The following PAK5 variants were observed in gnomAD, a reference collection of about 807,000 sequenced individuals.
The protein encoded by PAK5 is serine/threonine-protein kinase PAK 5.
In PAK5, 16 loss-of-function variants were observed where a neutral mutation model predicts 65.9. The ratio of observed to expected loss-of-function variants is 0.24; its 90% CI spans 0.16 to 0.37. PAK5 has a LOEUF of 0.37. PAK5 is among the 10% of genes least tolerant of loss of function. The pLI, the probability that PAK5 is intolerant of heterozygous loss-of-function variation, is 1.00. For missense variants in PAK5, 785 were observed against 903.9 expected (o/e 0.87, Z 1.69); for synonymous variants, 371 against 354.9 (o/e 1.05, Z -0.51).
intron 5 of PAK5, among the ~76,000 whole-genome samples, chr20:9,564,263 T>C (rs1410118928): frequency 6.6e-6 from 1 of 152,230 alleles, no homozygotes; most frequent in Non-Finnish European, 1.5e-5. Context: ...TTTAGAGCTC[T>C]TAAGTGATAA....
chr20:9,817,667 T>G (rs1600406725), intron 1 of PAK5, among the ~76,000 whole-genome samples: 2 of 152,332 alleles, frequency 1.3e-5, no homozygotes, highest in East Asian at 3.9e-4. Context: ...AATAATATTT[T>G]TTTAATGCTT....
At position 9,539,609 on chromosome 20, in the gene PAK5, T is replaced by G; in HGVS notation, c.2013A>C (p.Ser671=). The change falls in exon 10 of 10, where the codon TCA becomes TCC. Residue 671 remains serine (S), a synonymous_variant. Coordinates refer to ENST00000353224, the MANE Select transcript of PAK5 (RefSeq NM_177990.4). ...TCAAGTCTAGGAATCCCCGGAGCAC[T>G]GAAGAAACCTGTGAAAACACACAGA... is the stretch of plus-strand genomic sequence containing the variant. ...PRVKDLHKVS[S]VLRGFLDLML... The G allele has an allele frequency of 1.2e-6, 2 of 1,613,078 alleles. No individual in the cohort carries two copies. Among genetic ancestry groups the G allele is most frequent in the Non-Finnish European group, 1.7e-6 (2 of 1,179,816 alleles).
At chr20:9,708,902 C>T (rs551970176) in intron 2 of PAK5, among the ~76,000 whole-genome samples, 6 of 146,618 alleles carry the variant, frequency 4.1e-5, no homozygotes, top group Admixed American at 3.5e-4. Flanking sequence ...ATCACAGAAA[C>T]AATAAGGCAC....
intron 2 of PAK5, among the ~76,000 whole-genome samples, chr20:9,656,460 C>T (rs1275586541): frequency 6.6e-6 from 1 of 152,034 alleles, no homozygotes; most frequent in African/African-American, 2.4e-5. Context: ...GGACCCAGTC[C>T]TCTTTGATTT....
At chr20:9,722,980 C>G (rs897592959) in intron 1 of PAK5, among the ~76,000 whole-genome samples, 5 of 152,118 alleles carry the variant, frequency 3.3e-5, no homozygotes, top group Admixed American at 1.3e-4. Flanking sequence ...ATCCTCCCCC[C>G]CTCATTCTCC....
intron 1 of PAK5, among the ~76,000 whole-genome samples, chr20:9,786,898 A>G (rs908037904): frequency 1.3e-5 from 2 of 152,204 alleles, no homozygotes; most frequent in African/African-American, 2.4e-5. Context: ...GGCAAGTCCT[A>G]TTAATCCCAG....
chr20:9,817,816 T>C lies in PAK5; in HGVS notation c.-162+20946A>G, dbSNP rs560469138. ...ACATAAACTGCCTTTGCACACACTCTATGATTTATGTCAAATTCCAAAGCT... is the reference window on the plus strand; with the variant it reads ...ACATAAACTGCCTTTGCACACACTCCATGATTTATGTCAAATTCCAAAGCT... On this transcript the variant is annotated intron_variant, in intron 1 of 9. Transcript: ENST00000353224. Among the ~76,000 whole-genome samples, 7 of 152,294 alleles carry C rather than the reference T, an allele frequency of 4.6e-5. No homozygotes were observed. In the South Asian group the frequency reaches 1.5e-3, roughly 32 times the overall value.
intron 2 of PAK5, among the ~76,000 whole-genome samples, chr20:9,655,187 CATTGTCA>C (rs1555909741): frequency 2.6e-5 from 4 of 152,202 alleles, no homozygotes; most frequent in Non-Finnish European, 5.9e-5. Context: ...TATGACTTCT[CATTGTCA>C]TTACACACAA....
chr20:9,800,623 G>T (rs1235648772), intron 1 of PAK5, among the ~76,000 whole-genome samples: 1 of 152,098 alleles, frequency 6.6e-6, no homozygotes, highest in Non-Finnish European at 1.5e-5. Context: ...CATTGTGACT[G>T]TTTTGGTAGA....
At chr20:9,672,156 C>T (rs2047508586) in intron 2 of PAK5, among the ~76,000 whole-genome samples, 1 of 151,526 alleles carries the variant, frequency 6.6e-6, no homozygotes, top group Admixed American at 6.6e-5. Flanking sequence ...TTGAAGGCAG[C>T]CTAGGAACTA....
chr20:9,664,207 G>C (rs1021000762), intron 2 of PAK5, among the ~76,000 whole-genome samples: 2 of 152,144 alleles, frequency 1.3e-5, no homozygotes, highest in African/African-American at 4.8e-5. Flanking sequence ...TATCTCACCT[G>C]AGCAAGGCTC....
chr20:9,769,197 A>G (rs1386036568), intron 1 of PAK5, among the ~76,000 whole-genome samples: 1 of 152,256 alleles, frequency 6.6e-6, no homozygotes, highest in Non-Finnish European at 1.5e-5. Context: ...ATACAGACAT[A>G]TGGGGGCATG....
At position 9,551,654 on chromosome 20, in the gene PAK5, T is replaced by C. The variant is rs115384275; in HGVS notation, c.1743+5954A>G. Among the ~76,000 whole-genome samples the C allele has an allele frequency of 5.3e-3, 806 of 152,298 alleles. 6 individuals are homozygous for C. Among genetic ancestry groups the C allele is most frequent in the African/African-American group, 0.018 (760 of 41,574 alleles). ...GTGTCTGCTCTAGGGTCTTGGCTAA[T>C]GCAAAAGGGGGCTACTTGTGTGCCT... On this transcript the variant is annotated intron_variant, in intron 7 of 9. Transcript: ENST00000353224.
intron 2 of PAK5, among the ~76,000 whole-genome samples, chr20:9,688,808 C>T (rs1001651549): frequency 2.2e-4 from 33 of 152,180 alleles, no homozygotes; most frequent in African/African-American, 6.3e-4. Context: ...CAATTTAGGA[C>T]GGTGACTGGC....
At chr20:9,542,751 G>A (rs973107976) in intron 8 of PAK5, 31 bp from the exon 9 acceptor site, 2 of 1,603,924 alleles carry the variant, frequency 1.2e-6, no homozygotes, top group Admixed American at 3.4e-5. Context: ...GTTATCTCAG[G>A]CAAGGAGAAC....
chr20:9,796,242 G>A (rs889375319), intron 1 of PAK5, among the ~76,000 whole-genome samples: 2 of 152,032 alleles, frequency 1.3e-5, no homozygotes, highest in Non-Finnish European at 2.9e-5. Flanking sequence ...ATAATAATTT[G>A]CAATATGAGG....
chr20:9,805,257 T>C (rs192745992), intron 1 of PAK5, among the ~76,000 whole-genome samples: 3 of 152,178 alleles, frequency 2.0e-5, no homozygotes, highest in Non-Finnish European at 4.4e-5. Flanking sequence ...AAATCAAAAC[T>C]CTCAGGTGAA....
intron 2 of PAK5, among the ~76,000 whole-genome samples, chr20:9,659,242 T>C (rs2047311310): frequency 6.6e-6 from 1 of 152,234 alleles, no homozygotes; most frequent in Non-Finnish European, 1.5e-5. Context: ...TTTCTTTCCT[T>C]CAATCTTCAA....
intron 2 of PAK5, among the ~76,000 whole-genome samples, chr20:9,678,052 GTC>G (rs73613697): frequency 0.19 from 28,539 of 152,122 alleles, 2,901 homozygotes; most frequent in East Asian, 0.36. Context: ...TCAAGATCCT[GTC>G]TCTAGCCTCA....
Sources: allele counts gnomAD v4.1 joint callset (sites outside exome capture counted in the v4.1 genomes callset), GRCh38; gene constraint gnomAD v4.1.1; transcripts MANE v1.5; gene names NCBI Gene and HGNC (gene_info 2026-07-23, HGNC 2026-07-21).